PLS3: variants seen among roughly 807,000 people sequenced by gnomAD.
PLS3 encodes the protein plastin 3.
In PLS3, 11 loss-of-function variants were observed where a neutral mutation model predicts 46.5. The observed-to-expected ratio is 0.24, with a 90% CI of 0.15 to 0.39. PLS3 has a LOEUF of 0.39. Among genes scored for constraint, PLS3 ranks in the 10% least tolerant of loss-of-function variants. The probability of loss-of-function intolerance (pLI) is 1.00; values close to 1 mark genes in which losing one functional copy is unlikely to be tolerated. For missense variants in PLS3, 308 were observed against 461.8 expected (o/e 0.67, Z 3.05); for synonymous variants, 167 against 162.2 (o/e 1.03, Z -0.22).
chrX:115,626,010 G>A (rs782390649), intron 3 of PLS3, among the ~76,000 whole-genome samples: 1 of 112,511 alleles, frequency 8.9e-6, no homozygotes, highest in South Asian at 3.7e-4. Flanking sequence ...GATAAAGCAA[G>A]TCTTTCCTTG....
chrX:115,614,644 G>A, intron 2 of PLS3: 6 of 460,480 alleles, frequency 1.3e-5, no homozygotes, highest in Non-Finnish European at 1.6e-5. Context: ...TCACTGCTTA[G>A]ATCTTGGGAT....
intron 1 of PLS3, among the ~76,000 whole-genome samples, chrX:115,593,876 T>A (rs1277941813): frequency 1.8e-5 from 2 of 111,328 alleles, no homozygotes; most frequent in African/African-American, 6.5e-5. Flanking sequence ...TTTTCTTTAT[T>A]TAGAGAATGT....
chrX:115,579,569 T>A (rs2074268665), intron 1 of PLS3, among the ~76,000 whole-genome samples: 1 of 112,041 alleles, frequency 8.9e-6, no homozygotes, highest in Non-Finnish European at 1.9e-5. Flanking sequence ...CAGCCTTTGG[T>A]GGTGTCACTG....
chrX:115,602,100 T>C (rs2074450573), intron 1 of PLS3, among the ~76,000 whole-genome samples: 2 of 110,825 alleles, frequency 1.8e-5, no homozygotes, highest in African/African-American at 6.6e-5. Flanking sequence ...AAAGACAGAG[T>C]TCAAGCCTCA....
chrX:115,576,906 T>G (rs782562414), intron 1 of PLS3, among the ~76,000 whole-genome samples: 66 of 112,660 alleles, frequency 5.9e-4, no homozygotes, highest in African/African-American at 2.1e-3. Context: ...TGCCATCGTT[T>G]GAAGAGCTGA....
chrX:115,610,675 T>C (rs1556635995), intron 2 of PLS3: 1 of 321,017 alleles, frequency 3.1e-6, no homozygotes, highest in East Asian at 4.8e-5. Context: ...TGAAGAGGTT[T>C]GAAACTTTCA....
At chrX:115,633,344 T>C (rs2074797830) in intron 5 of PLS3, among the ~76,000 whole-genome samples, 1 of 110,626 alleles carries the variant, frequency 9.0e-6, no homozygotes, top group African/African-American at 3.3e-5. Flanking sequence ...CTAATTTTTG[T>C]ATTTTTAGTA....
chrX:115,614,459 A>T (rs1191266681), intron 2 of PLS3: 2 of 751,743 alleles, frequency 2.7e-6, no homozygotes, highest in African/African-American at 4.6e-5. Flanking sequence ...ATTCTAAAGC[A>T]GCAACCTCCA....
At chrX:115,602,882 A>T (rs1224925779) in intron 1 of PLS3, among the ~76,000 whole-genome samples, 5 of 108,479 alleles carry the variant, frequency 4.6e-5, no homozygotes, top group Non-Finnish European at 9.6e-5. Flanking sequence ...AAAAAAATCA[A>T]GTTTATGATC....
chrX:115,595,849 C>T (rs2074384035), intron 1 of PLS3, among the ~76,000 whole-genome samples: 3 of 108,802 alleles, frequency 2.8e-5, no homozygotes, highest in African/African-American at 1.0e-4. Context: ...CCACCACGCC[C>T]GGCTAATTTT....
At chrX:115,623,707 A>G (rs2074679359) in intron 3 of PLS3, among the ~76,000 whole-genome samples, 1 of 111,292 alleles carries the variant, frequency 9.0e-6, no homozygotes, top group East Asian at 2.8e-4. Context: ...TTTATCACAA[A>G]TGTCCCAGCG....
chrX:115,573,042 G>A (rs1188179970), intron 1 of PLS3, among the ~76,000 whole-genome samples: 3 of 103,477 alleles, frequency 2.9e-5, no homozygotes, highest in Non-Finnish European at 5.9e-5. Flanking sequence ...GCAGTGAGCC[G>A]GGATTGCGCC....
At chrX:115,585,592 A>G (rs782755843) in intron 1 of PLS3, among the ~76,000 whole-genome samples, 1 of 110,356 alleles carries the variant, frequency 9.1e-6, no homozygotes, top group East Asian at 2.9e-4. Context: ...GGATTTCACC[A>G]TGTTGGCCAG....
intron 9 of PLS3, among the ~76,000 whole-genome samples, 186 bp downstream of exon 9, chrX:115,640,689 A>T (rs1476334678): frequency 1.8e-5 from 2 of 112,036 alleles, no homozygotes; most frequent in Non-Finnish European, 3.8e-5. Flanking sequence ...ATTGTTAGTG[A>T]ATTCCATCGT....
intron 3 of PLS3, 85 bp from the exon 4 acceptor site, chrX:115,629,113 G>T: frequency 1.5e-6 from 1 of 671,810 alleles, no homozygotes; most frequent in South Asian, 3.5e-5. Context: ...AAATGTAAGT[G>T]ATCAAGATAT....
At position 115,648,037 on chromosome X, in the gene PLS3, G is replaced by T. The variant is rs782370051; in HGVS notation, c.1760+20G>T. On this transcript the variant is annotated intron_variant, in intron 15 of 15. Coordinates refer to ENST00000355899, the MANE Select transcript of PLS3 (RefSeq NM_005032.7). Reference sequence around the variant, plus strand: ...TGCCAAGTAAGGGAGACTGCTAATAGTATGAAAAGAACGCAGCTTTGTAGC... The same window carrying T: ...TGCCAAGTAAGGGAGACTGCTAATATTATGAAAAGAACGCAGCTTTGTAGC... 5.4e-6 allele frequency: 6 copies of T among 1,120,361 alleles called. No individual in the cohort carries two copies. The South Asian group carries it at 7.4e-5, about 14-fold the overall frequency. The allele number at this position is 1,120,361 out of a possible 1,213,427, so 92.3% of individuals were successfully genotyped here. A position where few individuals can be genotyped will look rare whatever the true frequency, so the allele number is the denominator to read the frequency against.
chrX:115,592,844 T>A (rs2074354930), intron 1 of PLS3, among the ~76,000 whole-genome samples: 1 of 111,062 alleles, frequency 9.0e-6, no homozygotes, highest in African/African-American at 3.3e-5. Flanking sequence ...TTTAAGCAAT[T>A]TGCACAGTTA....
At chrX:115,639,337 T>C (rs782700143) in intron 8 of PLS3, among the ~76,000 whole-genome samples, 6 of 112,125 alleles carry the variant, frequency 5.4e-5, no homozygotes, top group African/African-American at 1.3e-4. Flanking sequence ...AATTACCTGA[T>C]TTTCCCCATT....
At chrX:115,626,563 T>C (rs182010750) in intron 3 of PLS3, among the ~76,000 whole-genome samples, 2,379 of 111,103 alleles carry the variant, frequency 0.021, 68 homozygotes, top group African/African-American at 0.074. Flanking sequence ...GGATTACAGG[T>C]GTGAGCCACC....
Sources: gnomAD v4.1 joint callset for allele counts (sites outside exome capture counted in the v4.1 genomes callset) on GRCh38, gnomAD v4.1.1 for gene constraint, MANE v1.5 for transcripts, NCBI Gene and HGNC (gene_info 2026-07-23, HGNC 2026-07-21) for gene names.